Variants in KAT6B observed in about 807,000 individuals in gnomAD.
KAT6B encodes the protein histone acetyltransferase KAT6B.
Under a neutral mutation model 187.5 loss-of-function variants are expected in KAT6B, and 10 were observed. The ratio of observed to expected loss-of-function variants is 0.05; its 90% CI spans 0.03 to 0.09. The LOEUF (loss-of-function observed/expected upper bound fraction) is 0.09, where lower values mean the gene tolerates loss of function less well. Ranked by LOEUF, KAT6B falls within the 10% of genes least tolerant of loss-of-function variation. KAT6B has a pLI of 1.00. For missense variants in KAT6B, 1,952 were observed against 2,558.9 expected (o/e 0.76, Z 5.12); for synonymous variants, 861 against 926.8 (o/e 0.93, Z 1.29).
intron 3 of KAT6B, among the ~76,000 whole-genome samples, chr10:74,934,590 G>A (rs775979836): frequency 6.6e-6 from 1 of 152,102 alleles, no homozygotes; most frequent in Non-Finnish European, 1.5e-5. Context: ...AGGCTCTGGA[G>A]TCTCATTTCC....
chr10:74,936,796 G>A (rs1305280784), intron 3 of KAT6B, among the ~76,000 whole-genome samples: 2 of 152,058 alleles, frequency 1.3e-5, no homozygotes, highest in South Asian at 2.1e-4. Flanking sequence ...TGGATTTCTC[G>A]ATTTTTATTT....
intron 3 of KAT6B, among the ~76,000 whole-genome samples, chr10:74,880,485 T>C (rs1844765992): frequency 6.6e-6 from 1 of 152,240 alleles, no homozygotes; most frequent in Non-Finnish European, 1.5e-5. Context: ...CATTAGACAT[T>C]GATGGTTCTA....
At chr10:74,896,161 T>C (rs1207652457) in intron 3 of KAT6B, among the ~76,000 whole-genome samples, 2 of 152,186 alleles carry the variant, frequency 1.3e-5, no homozygotes, top group African/African-American at 4.8e-5. Flanking sequence ...TGTGAGGACT[T>C]TTATAAACCC....
At chr10:74,896,723 C>T (rs1205555435) in intron 3 of KAT6B, among the ~76,000 whole-genome samples, 2 of 152,224 alleles carry the variant, frequency 1.3e-5, no homozygotes, top group African/African-American at 4.8e-5. Flanking sequence ...AAGATTTTGG[C>T]AGCTAATTGT....
intron 3 of KAT6B, among the ~76,000 whole-genome samples, chr10:74,924,873 A>G (rs1171295623): frequency 1.3e-5 from 2 of 152,012 alleles, no homozygotes; most frequent in East Asian, 3.9e-4. Context: ...AGATCATGGA[A>G]TCAGTCAGTT....
chr10:74,931,525 TAAA>T (rs2133179057), intron 3 of KAT6B, among the ~76,000 whole-genome samples: 1 of 152,354 alleles, frequency 6.6e-6, no homozygotes, highest in South Asian at 2.1e-4. Context: ...ATTTTAGTAT[TAAA>T]TATGCTGCCA....
intron 3 of KAT6B, among the ~76,000 whole-genome samples, chr10:74,953,071 C>T (rs955136338): frequency 1.6e-4 from 24 of 151,448 alleles, no homozygotes; most frequent in African/African-American, 5.8e-4. Flanking sequence ...TTTTCTTTCT[C>T]CAACATCTTT....
intron 3 of KAT6B, among the ~76,000 whole-genome samples, chr10:74,897,988 A>G (rs1040231024): frequency 8.5e-5 from 13 of 152,086 alleles, no homozygotes; most frequent in African/African-American, 2.9e-4. Flanking sequence ...AGACAAGCAC[A>G]CTTTTAAATT....
chr10:74,967,570 GA>G (rs1251275263), intron 4 of KAT6B, among the ~76,000 whole-genome samples: 2 of 152,132 alleles, frequency 1.3e-5, no homozygotes, highest in African/African-American at 4.8e-5. Context: ...TAGAAATTTA[GA>G]ACTGTAAGGG....
intron 3 of KAT6B, among the ~76,000 whole-genome samples, chr10:74,849,411 G>C (rs1296437790): frequency 6.6e-6 from 1 of 151,916 alleles, no homozygotes; most frequent in East Asian, 1.9e-4. Flanking sequence ...TCCTGCATCA[G>C]CCTCCCAAGT....
Position 75,030,629 on chromosome 10 carries a change from C to T in KAT6B, c.5805C>T (p.Ala1935=), listed in dbSNP as rs958098239. ...MRTKSASLSP[A]AATHQSQIYG... ...CCAAGTCAGCGTCTCTGTCACCAGC[C>T]GCTGCCACCCATCAGTCACAAATCT... Residue 1935 remains alanine, a synonymous_variant, in exon 18 of 18, where the codon GCC becomes GCT. Transcript: ENST00000287239. The surrounding 1 kb of genome is among the most constrained non-coding windows in gnomAD (Gnocchi z 4.8). 10 of 1,613,288 alleles carry T rather than the reference C, an allele frequency of 6.2e-6. No homozygotes were observed. Among genetic ancestry groups the T allele is most frequent in the Non-Finnish European group, 6.8e-6 (8 of 1,179,332 alleles).
chr10:74,933,555 A>G (rs1849030167), intron 3 of KAT6B, among the ~76,000 whole-genome samples: 1 of 152,244 alleles, frequency 6.6e-6, no homozygotes, highest in Admixed American at 6.5e-5. Flanking sequence ...TCAATAAACT[A>G]CTAAAGTTGT....
chr10:74,929,612 A>C (rs973797566), intron 3 of KAT6B, among the ~76,000 whole-genome samples: 2 of 152,192 alleles, frequency 1.3e-5, no homozygotes, highest in Admixed American at 1.3e-4. Context: ...AATTGTTTGC[A>C]ATTATGATTA....
intron 3 of KAT6B, among the ~76,000 whole-genome samples, chr10:74,890,936 T>C (rs923886505): frequency 6.6e-6 from 1 of 152,262 alleles, no homozygotes; most frequent in African/African-American, 2.4e-5. Context: ...AACTTTGTTT[T>C]TACTCTCTGC....
intron 13 of KAT6B, among the ~76,000 whole-genome samples, chr10:74,991,293 T>C (rs745447534): frequency 3.9e-5 from 6 of 152,216 alleles, no homozygotes; most frequent in Non-Finnish European, 5.9e-5. Context: ...CAAATTGATA[T>C]ATGGTTGCTG....
At chr10:74,977,517 T>C (rs1842238931) in intron 9 of KAT6B, 80 bp downstream of exon 9, 1 of 1,508,844 alleles carries the variant, frequency 6.6e-7, no homozygotes, top group Non-Finnish European at 9.2e-7. Flanking sequence ...TGTGTTGATT[T>C]TATAGAGAAT....
chr10:74,968,187 G>A (rs754729366), intron 4 of KAT6B, among the ~76,000 whole-genome samples: 5 of 152,268 alleles, frequency 3.3e-5, no homozygotes, highest in Non-Finnish European at 5.9e-5. Flanking sequence ...TTTGTTTGCC[G>A]TTCCTGAGCA....
At chr10:74,959,114 T>C (rs1164889576) in intron 3 of KAT6B, among the ~76,000 whole-genome samples, 1 of 152,188 alleles carries the variant, frequency 6.6e-6, no homozygotes, top group East Asian at 1.9e-4. Context: ...TTTTGTTTGG[T>C]ATGGTGTGGT....
intron 12 of KAT6B, among the ~76,000 whole-genome samples, chr10:74,988,010 A>C (rs916444189): frequency 4.6e-5 from 7 of 152,208 alleles, no homozygotes. Context: ...AATGTGCAAA[A>C]GTTGGGAGTA....
Sources: gnomAD v4.1 joint callset for allele counts (sites outside exome capture counted in the v4.1 genomes callset) on GRCh38, gnomAD v4.1.1 for gene constraint, Gnocchi (gnomAD v3.1) non-coding constraint, MANE v1.5 for transcripts, NCBI Gene and HGNC (gene_info 2026-07-23, HGNC 2026-07-21) for gene names.